CLMP: variants seen among roughly 807,000 people sequenced by gnomAD.
CLMP encodes CXADR like cell adhesion molecule.
Under a neutral mutation model 45.2 loss-of-function variants are expected in CLMP, and 27 were observed. The observed-to-expected ratio is 0.60, with a 90% confidence interval of 0.44 to 0.82. CLMP has a LOEUF of 0.82. Among genes scored for constraint, CLMP ranks in the 40% least tolerant of loss-of-function variants. The pLI is 0.00. For missense variants in CLMP, 403 were observed against 448.4 expected, an observed-to-expected ratio of 0.90 and a Z score of 0.91; for synonymous variants, 167 against 171.4, an observed-to-expected ratio of 0.97 and a Z score of 0.20.
chr11:123,194,238 T>C (rs2135556469), intron 1 of CLMP, among the ~76,000 whole-genome samples: 1 of 152,276 alleles, frequency 6.6e-6, no homozygotes, highest in South Asian at 2.1e-4. Flanking sequence ...GTGCTTGCTC[T>C]ATTTCCCTCT....
At chr11:123,085,858 CCT>C (rs983345648) in intron 2 of CLMP, among the ~76,000 whole-genome samples, 1 of 150,806 alleles carries the variant, frequency 6.6e-6, no homozygotes, top group African/African-American at 2.4e-5. Flanking sequence ...CTCACTGCAA[CCT>C]CTGTCTCCTG....
intron 1 of CLMP, among the ~76,000 whole-genome samples, chr11:123,187,634 A>G (rs1328381668): frequency 6.6e-6 from 1 of 152,210 alleles, no homozygotes; most frequent in Non-Finnish European, 1.5e-5. Flanking sequence ...GGGTGAGTAG[A>G]TGGCCATTCT....
chr11:123,126,494 A>G (rs542537429), intron 1 of CLMP, among the ~76,000 whole-genome samples: 2 of 152,300 alleles, frequency 1.3e-5, no homozygotes, highest in South Asian at 4.1e-4. Flanking sequence ...CCTGGACTCA[A>G]GAATGCTCCA....
intron 1 of CLMP, among the ~76,000 whole-genome samples, chr11:123,193,593 C>G (rs1305629995): frequency 6.6e-6 from 1 of 152,232 alleles, no homozygotes; most frequent in Non-Finnish European, 1.5e-5. Flanking sequence ...CCACCTCTTT[C>G]ATTTCTCTAA....
At chr11:123,137,301 C>T (rs1359735555) in intron 1 of CLMP, among the ~76,000 whole-genome samples, 1 of 151,372 alleles carries the variant, frequency 6.6e-6, no homozygotes, top group Non-Finnish European at 1.5e-5. Context: ...CTACAGGCAC[C>T]CGCCACCACG....
chr11:123,138,467 T>C (rs1861107434), intron 1 of CLMP, among the ~76,000 whole-genome samples: 10 of 152,200 alleles, frequency 6.6e-5, no homozygotes, highest in Admixed American at 6.5e-4. Context: ...TTGTTTGCAA[T>C]TATTGCACTT....
intron 6 of CLMP, 105 bp from the exon 7 acceptor site, chr11:123,073,879 C>G: frequency 8.4e-7 from 1 of 1,185,586 alleles, no homozygotes; most frequent in Non-Finnish European, 1.2e-6. Flanking sequence ...CAGATAATAC[C>G]ATCGGAAGGC....
intron 2 of CLMP, among the ~76,000 whole-genome samples, chr11:123,087,888 G>A (rs1322157308): frequency 6.6e-6 from 1 of 151,762 alleles, no homozygotes; most frequent in African/African-American, 2.4e-5. Flanking sequence ...GTTGTACTCT[G>A]TAGGGTAGGT....
intron 1 of CLMP, among the ~76,000 whole-genome samples, chr11:123,104,765 G>C (rs945228821): frequency 6.6e-6 from 1 of 152,154 alleles, no homozygotes; most frequent in East Asian, 1.9e-4. Flanking sequence ...AGAGGAAAGG[G>C]GCAGTCTGAC....
intron 1 of CLMP, among the ~76,000 whole-genome samples, chr11:123,105,400 CCTTCCT>C (rs1330634033): frequency 5.6e-5 from 7 of 124,154 alleles, no homozygotes; most frequent in African/African-American, 1.9e-4. Flanking sequence ...TTCCTTCCTT[CCTTCCT>C]CTCTCTCTCT....
At chr11:123,094,380 T>G (rs1317919928) in intron 2 of CLMP, among the ~76,000 whole-genome samples, 1 of 152,056 alleles carries the variant, frequency 6.6e-6, no homozygotes. Context: ...CTGCTGGGAT[T>G]ACAGGCATGA....
At chr11:123,143,678 G>T (rs920966245) in intron 1 of CLMP, among the ~76,000 whole-genome samples, 1 of 152,220 alleles carries the variant, frequency 6.6e-6, no homozygotes, top group Non-Finnish European at 1.5e-5. Context: ...AGATTAAGCT[G>T]CCTGATCTTA....
intron 1 of CLMP, among the ~76,000 whole-genome samples, chr11:123,139,860 T>TAAAATAAAATA (rs149421052): frequency 3.3e-5 from 5 of 151,410 alleles, no homozygotes; most frequent in African/African-American, 1.2e-4. Context: ...TAAAATAAAA[T>TAAAATAAAATA]AAAAAATATA....
chr11:123,112,314 A>ATTTC (rs1036287247), intron 1 of CLMP, among the ~76,000 whole-genome samples: 1 of 150,734 alleles, frequency 6.6e-6, no homozygotes, highest in Non-Finnish European at 1.5e-5. Flanking sequence ...CTTCAGGCCA[A>ATTTC]TTTCTTTCTT....
chr11:123,078,940 G>C (rs922136898), intron 5 of CLMP, among the ~76,000 whole-genome samples: 2 of 152,022 alleles, frequency 1.3e-5, no homozygotes, highest in African/African-American at 4.8e-5. Context: ...CACCGTGCCC[G>C]GCAAGTTTTA....
At chr11:123,182,817 T>G (rs1171983577) in intron 1 of CLMP, among the ~76,000 whole-genome samples, 5 of 152,120 alleles carry the variant, frequency 3.3e-5, no homozygotes, top group Non-Finnish European at 7.4e-5. Flanking sequence ...GTGAAATAAC[T>G]CAATGCCCAC....
At chr11:123,155,617 A>T (rs901122835) in intron 1 of CLMP, among the ~76,000 whole-genome samples, 12 of 152,228 alleles carry the variant, frequency 7.9e-5, no homozygotes, top group African/African-American at 2.4e-4. Context: ...ACTGGTTTTC[A>T]AAACATACAT....
chr11:123,181,814 G>C (rs1324034062), intron 1 of CLMP, among the ~76,000 whole-genome samples: 2 of 152,202 alleles, frequency 1.3e-5, no homozygotes, highest in African/African-American at 4.8e-5. Flanking sequence ...TCGATTTCTT[G>C]TTGTCTGGGT....
intron 1 of CLMP, among the ~76,000 whole-genome samples, chr11:123,138,789 G>T (rs912993784): frequency 6.6e-6 from 1 of 152,062 alleles, no homozygotes; most frequent in Non-Finnish European, 1.5e-5. Flanking sequence ...AAGTAGCTGG[G>T]ATTACAGGTG....
Sources: gnomAD v4.1 joint callset for allele counts (sites outside exome capture counted in the v4.1 genomes callset) on GRCh38, gnomAD v4.1.1 for gene constraint, MANE v1.5 for transcripts, NCBI Gene and HGNC (gene_info 2026-07-23, HGNC 2026-07-21) for gene names.